PER3: variants seen among roughly 807,000 people sequenced by gnomAD.
The protein encoded by PER3 is period circadian protein homolog 3.
PER3 carries 107 observed loss-of-function variants against 127.2 expected under a neutral mutation model. The ratio of observed to expected loss-of-function variants is 0.84; its 90% CI spans 0.72 to 0.99. The LOEUF (loss-of-function observed/expected upper bound fraction) is 0.99, where lower values mean the gene tolerates loss of function less well. Among genes scored for constraint, PER3 ranks in the 50% least tolerant of loss-of-function variants. The probability of loss-of-function intolerance (pLI) is 0.00; values close to 1 mark genes in which losing one functional copy is unlikely to be tolerated. For missense variants in PER3, 1,560 were observed against 1,525.8 expected (o/e 1.02, Z -0.37); for synonymous variants, 618 against 585.8 (o/e 1.05, Z -0.79).
At chr1:7,839,954 C>T (rs764795900) in intron 21 of PER3, among the ~76,000 whole-genome samples, 16 of 151,954 alleles carry the variant, frequency 1.1e-4, no homozygotes, top group Non-Finnish European at 1.9e-4. Flanking sequence ...ATTATTTTTT[C>T]GAATAATCTT....
intron 7 of PER3, among the ~76,000 whole-genome samples, chr1:7,800,844 A>G (rs1387414525): frequency 7.0e-6 from 1 of 142,960 alleles, no homozygotes; most frequent in African/African-American, 2.6e-5. Flanking sequence ...AAAAAAAAAG[A>G]GAGAAAACTA....
intron 19 of PER3, among the ~76,000 whole-genome samples, chr1:7,832,366 C>CTTTTTTTTT (rs33933452): frequency 1.2e-5 from 1 of 85,850 alleles, no homozygotes; most frequent in Non-Finnish European, 2.2e-5. Flanking sequence ...GATTTATGCT[C>CTTTTTTTTT]TTTTTTTTTT....
chr1:7,789,992 T>G (rs998606247), intron 5 of PER3, among the ~76,000 whole-genome samples: 3 of 152,226 alleles, frequency 2.0e-5, no homozygotes, highest in Non-Finnish European at 4.4e-5. Flanking sequence ...AAACATTTAT[T>G]TAATAATCAC....
intron 10 of PER3, among the ~76,000 whole-genome samples, chr1:7,808,232 CAAA>C (rs60220289): frequency 8.2e-5 from 8 of 97,726 alleles, no homozygotes; most frequent in Non-Finnish European, 1.1e-4. Flanking sequence ...GACTCTGTCT[CAAA>C]AAAAAAAAAA....
At position 7,830,145 on chromosome 1, in the gene PER3, T is replaced by C; in HGVS notation, c.3198T>C (p.Thr1066=). ...GSPPSESPSR[T]GSAASGSSDS... ...CTCCCAGCGAATCCCCATCCAGAAC[T>C]GGTTCAGCAGCATCAGGTAGTGGAT... The change falls in exon 19 of 22, where the codon ACT becomes ACC. Residue 1066 remains threonine (T), a synonymous_variant. Coordinates refer to ENST00000377532, the MANE Select transcript of PER3 (RefSeq NM_001377275.1). 1.2e-6 allele frequency: 2 copies of C among 1,613,952 alleles called. No individual in the cohort carries two copies. The highest frequency in any genetic ancestry group is 2.2e-5 in the South Asian group (2 of 91,080).
At chr1:7,797,947 C>T (rs1449500876) in intron 6 of PER3, among the ~76,000 whole-genome samples, 5 of 152,190 alleles carry the variant, frequency 3.3e-5, no homozygotes, top group Non-Finnish European at 7.3e-5. Flanking sequence ...GAAAGGGGTG[C>T]GCCCTCTGGG....
intron 10 of PER3, among the ~76,000 whole-genome samples, chr1:7,806,792 T>C (rs2097194489): frequency 2.4e-5 from 1 of 41,686 alleles, no homozygotes; most frequent in Non-Finnish European, 4.0e-5. Context: ...AGACCCTGTC[T>C]CTTAAAAAAA....
rs774551379 is a variant in PER3, at chr1:7,827,317, C to T, written c.2388C>T (p.Ala796=). ...PHTSSPTFPP[A]AMVPSQAPYL... is the part of the protein sequence containing the mutation. ...CCTCGAGCCCGACCTTCCCACCTGC[C>T]GCCATGGTGCCCAGCCAGGCCCCTT... Residue 796 remains alanine, a synonymous_variant, in exon 18 of 22, where the codon GCC becomes GCT. Coordinates refer to ENST00000377532, the MANE Select transcript of PER3 (RefSeq NM_001377275.1). The T allele has an allele frequency of 3.1e-6, 5 of 1,613,620 alleles. No individual in the cohort carries two copies. Among genetic ancestry groups the T allele is most frequent in the Admixed American group, 1.7e-5 (1 of 59,966 alleles).
At chr1:7,808,682 CT>C (rs1014119902) in intron 10 of PER3, among the ~76,000 whole-genome samples, 9 of 152,170 alleles carry the variant, frequency 5.9e-5, no homozygotes, top group African/African-American at 2.2e-4. Flanking sequence ...AAGATGAGTG[CT>C]TTAGAGAAAC....
At chr1:7,788,477 A>C (rs2097102563) in intron 5 of PER3, 3 of 521,474 alleles carry the variant, frequency 5.8e-6, no homozygotes. Flanking sequence ...ATATGTCATA[A>C]ATATTATTTC....
intron 7 of PER3, among the ~76,000 whole-genome samples, chr1:7,799,239 G>A (rs1048547511): frequency 6.6e-6 from 1 of 152,086 alleles, no homozygotes; most frequent in African/African-American, 2.4e-5. Flanking sequence ...AGGGCTTATG[G>A]GAAAAATGGG....
rs908358667 is a variant in PER3, at chr1:7,829,759, C to T, written c.2887-75C>T. ...GTAACTGAAACTACAGAAAGCAAAA[C>T]CATGAATAAAGGAGGACTACTGTAT... is the stretch of plus-strand genomic sequence containing the variant. On this transcript the variant is annotated intron_variant, in intron 18 of 21. Coordinates refer to ENST00000377532, the MANE Select transcript of PER3 (RefSeq NM_001377275.1). 18 of 1,267,964 alleles carry T rather than the reference C, an allele frequency of 1.4e-5. No individual in the cohort carries two copies. The Middle Eastern group carries it at 1.1e-3, about 80-fold the overall frequency. The allele number at this position is 1,267,964 out of a possible 1,614,324, so 78.5% of individuals were successfully genotyped here.
chr1:7,796,319 CTTT>C (rs71567315), intron 6 of PER3, among the ~76,000 whole-genome samples: 6 of 109,804 alleles, frequency 5.5e-5, no homozygotes, highest in South Asian at 3.4e-4. Flanking sequence ...TTTCAGTTTC[CTTT>C]TTTTTTTTTT....
chr1:7,814,852 T>C (rs1208787353), intron 13 of PER3, among the ~76,000 whole-genome samples: 1 of 152,234 alleles, frequency 6.6e-6, no homozygotes, highest in Non-Finnish European at 1.5e-5. Context: ...AACAGTATTT[T>C]ATTATTTGGA....
In PER3 at chr1:7,820,199, C is replaced by A; in HGVS notation, c.1743C>A (p.Asp581Glu). The A allele has an allele frequency of 6.2e-7, 1 of 1,613,588 alleles. No individual in the cohort carries two copies. The highest frequency in any genetic ancestry group is 1.3e-5 in the African/African-American group (1 of 75,016). Residue 581 changes from aspartate to glutamate, a missense_variant, in exon 15 of 22, where the codon GAC becomes GAA. Physicochemically the swap from Asp to Glu is conservative, Grantham distance 45. Coordinates refer to ENST00000377532, the MANE Select transcript of PER3 (RefSeq NM_001377275.1). ...TNTTSSSSEE[D>E]KQNHKADDVQ... ...CAACTTCTTCCTCCTCAGAAGAAGA[C>A]AAACAGAACCACAAGGCAGATGATG...
chr1:7,810,259 T>C (rs568011914), intron 12 of PER3, 179 bp from the exon 13 acceptor site: 311 of 620,658 alleles, frequency 5.0e-4, no homozygotes, highest in Admixed American at 1.5e-3. Flanking sequence ...AACAGATTTA[T>C]TTAGAATTTG....
At chr1:7,786,582 C>A in intron 3 of PER3, 139 bp from the exon 4 acceptor site, 1 of 546,526 alleles carries the variant, frequency 1.8e-6, no homozygotes, top group Non-Finnish European at 3.3e-6. Flanking sequence ...TAGGTAAAAG[C>A]AGAAAATGAT....
In PER3 at chr1:7,843,597, T is replaced by G. The variant is rs1384726353; in HGVS notation, c.*842T>G. On this transcript the variant is annotated 3_prime_UTR_variant, in exon 22 of 22. Coordinates refer to ENST00000377532, the MANE Select transcript of PER3 (RefSeq NM_001377275.1). Reference sequence around the variant, plus strand: ...AGCTAGTATCATTCTTACATACTTCTGTGTTTAAATTTTCATTCTTACCAA... The same window carrying G: ...AGCTAGTATCATTCTTACATACTTCGGTGTTTAAATTTTCATTCTTACCAA... The G allele has an allele frequency of 6.5e-6, 1 of 152,742 alleles. No homozygotes were observed. Among genetic ancestry groups the G allele is most frequent in the African/African-American group, 2.4e-5 (1 of 41,482 alleles). The allele number at this position is 152,742 out of a possible 1,614,324, so 9.5% of individuals were successfully genotyped here. A position where few individuals can be genotyped will look rare whatever the true frequency, so the allele number is the denominator to read the frequency against.
intron 11 of PER3, 95 bp downstream of exon 11, chr1:7,809,093 G>A (rs909199371): frequency 1.2e-5 from 8 of 640,626 alleles, no homozygotes; most frequent in Non-Finnish European, 1.9e-5. Flanking sequence ...TGTAAAGGGA[G>A]ACAAATCTTT....
Sources: gnomAD v4.1 joint callset for allele counts (sites outside exome capture counted in the v4.1 genomes callset) on GRCh38, gnomAD v4.1.1 for gene constraint, MANE v1.5 for transcripts, NCBI Gene and HGNC (gene_info 2026-07-23, HGNC 2026-07-21) for gene names.